PRXL2B: variants seen among roughly 807,000 people sequenced by gnomAD.
PRXL2B encodes prostamide/prostaglandin F synthase.
Under a neutral mutation model 24.4 loss-of-function variants are expected in PRXL2B, and 26 were observed. That is an observed-to-expected ratio of 1.07 (90% CI 0.78 to 1.48). The LOEUF (loss-of-function observed/expected upper bound fraction) is 1.48. Ranked by LOEUF, PRXL2B falls within the 40% of genes most tolerant of loss-of-function variation. PRXL2B has a pLI of 0.00. For synonymous variants in PRXL2B, 115 were observed against 118.9 expected (o/e 0.97, Z 0.21); for missense variants, 269 against 264.8 (o/e 1.02, Z -0.11).
chr1:2,591,047 C>T lies in PRXL2B; in HGVS notation c.*1620C>T, dbSNP rs371317701. On this transcript the variant is annotated 3_prime_UTR_variant, in exon 7 of 7. Transcript: ENST00000419916. ...TGGGGGTGCCCCGGGCACAGTGGAA[C>T]GTGTCTGCGAAGGCGGCCAGGTTCT... The T allele has an allele frequency of 1.5e-5, 24 of 1,606,860 alleles. No homozygotes were observed. Among genetic ancestry groups the T allele is most frequent in the Non-Finnish European group, 2.0e-5 (24 of 1,177,418 alleles).
intron 3 of PRXL2B, chr1:2,588,185 C>G: frequency 1.4e-6 from 1 of 706,368 alleles, no homozygotes. Flanking sequence ...TCTGTGGACC[C>G]TCGGCTAGCA....
At position 2,588,451 on chromosome 1, in the gene PRXL2B, A is replaced by AAGGTG. The variant is rs543394429; in HGVS notation, c.383_384+3dup. On this transcript the variant is annotated frameshift_variant and splice_region_variant, in exon 4 of 7. Transcript: ENST00000419916. LOFTEE classifies it high-confidence loss of function. ...GAAGCCCGTGCGTGATGTGGCTGCCAAGGTGTGTGCGGGTCAAGGGTGTAC... is the reference window on the plus strand; with the variant it reads ...GAAGCCCGTGCGTGATGTGGCTGCCAAGGTGAGGTGTGTGCGGGTCAAGGGTGTAC... 5.1e-4 allele frequency: 830 copies of AAGGTG among 1,614,090 alleles called. 2 individuals are homozygous for AAGGTG. In the African/African-American group the frequency reaches 9.6e-3, roughly 19 times the overall value.
chr1:2,590,880 G>T lies in PRXL2B; in HGVS notation c.*1453G>T. 2.4e-6 allele frequency: 2 copies of T among 845,870 alleles called. No individual in the cohort carries two copies. The highest frequency in any genetic ancestry group is 3.3e-6 in the Non-Finnish European group (2 of 606,990). 52.4% of individuals were successfully genotyped at this position (845,870 alleles called of 1,614,324 possible). ...CGCAGAGGCCTGGCAGGCAGGCTTG[G>T]CATGGTTGGCCGGGGCGGGACGTAC... On this transcript the variant is annotated 3_prime_UTR_variant, in exon 7 of 7. Transcript: ENST00000419916.
chr1:2,587,899 C>T lies in PRXL2B; in HGVS notation c.320+107C>T, dbSNP rs1311728265. On this transcript the variant is annotated intron_variant, in intron 3 of 6. Transcript: ENST00000419916. This position sits in a 1 kb window ranked among gnomAD's most constrained non-coding sequence, Gnocchi z 6.1. ...GCTGCCCTCTGTGGTGCTGTCCACTCGGGCCTTCCTGGGCAAGGCGGCTCT... is the reference window on the plus strand; with the variant it reads ...GCTGCCCTCTGTGGTGCTGTCCACTTGGGCCTTCCTGGGCAAGGCGGCTCT... 1.1e-5 allele frequency: 15 copies of T among 1,324,292 alleles called. No individual in the cohort carries two copies. In the Admixed American group the frequency reaches 1.4e-4, roughly 12 times the overall value. 82.0% of individuals were successfully genotyped at this position (1,324,292 alleles called of 1,614,324 possible).
intron 5 of PRXL2B, 42 bp downstream of exon 5, chr1:2,588,667 C>G (rs780753886): frequency 3.8e-6 from 6 of 1,596,124 alleles, no homozygotes. Flanking sequence ...TCAAGGAGGG[C>G]CTTGCTGAAC....
chr1:2,591,033 C>G lies in PRXL2B; in HGVS notation c.*1606C>G. The G allele has an allele frequency of 2.5e-6, 4 of 1,606,118 alleles. No individual in the cohort carries two copies. Among genetic ancestry groups the G allele is most frequent in the Non-Finnish European group, 3.4e-6 (4 of 1,177,196 alleles). On this transcript the variant is annotated 3_prime_UTR_variant, in exon 7 of 7. Transcript: ENST00000419916. ...CTCCTTGGGGTGCATGGGGGTGCCC[C>G]GGGCACAGTGGAACGTGTCTGCGAA...
In PRXL2B at chr1:2,588,565, A is replaced by T. The variant is rs148988402; in HGVS notation, c.400A>T (p.Ile134Phe). The change falls in exon 5 of 7, where the codon ATC becomes TTC. Residue 134 changes from isoleucine to phenylalanine, a missense_variant. Ile to Phe is a conservative substitution (Grantham distance 21). Coordinates refer to ENST00000419916, the MANE Select transcript of PRXL2B (RefSeq NM_152371.5). ...CTCCTGACAGGCCAAGGCTGTTGGC[A>T]TCCAGGGGAACTTGTCTGGGGACCT... ...DVAAKAKAVG[I>F]QGNLSGDLLQ... 1 of 1,613,998 alleles carries T rather than the reference A, an allele frequency of 6.2e-7. No homozygotes were observed. The highest frequency in any genetic ancestry group is 1.3e-5 in the African/African-American group (1 of 74,930).
upstream of PRXL2B, chr1:2,586,719 C>A: frequency 1.6e-6 from 2 of 1,237,412 alleles, no homozygotes; most frequent in Non-Finnish European, 1.0e-6. Flanking sequence ...CGGAGACGAG[C>A]CCGAAGGGGC....
intron 3 of PRXL2B, among the ~76,000 whole-genome samples, chr1:2,588,051 A>C (rs917653689): frequency 2.0e-5 from 3 of 152,158 alleles, no homozygotes; most frequent in African/African-American, 7.2e-5. Context: ...CTCGTGGCCC[A>C]TCAGGGGCCA....
chr1:2,586,568 C>CGCA (rs1644519639), upstream of PRXL2B: 1 of 449,068 alleles, frequency 2.2e-6, no homozygotes, highest in Non-Finnish European at 3.6e-6. Flanking sequence ...GATTTGGCGC[C>CGCA]GCGATCTCGA....
intron 3 of PRXL2B, 102 bp from the exon 4 acceptor site, chr1:2,588,288 G>A: frequency 6.8e-7 from 1 of 1,470,436 alleles, no homozygotes. Flanking sequence ...AGGCGGGTGG[G>A]TGGGGTGGGG....
intron 3 of PRXL2B, among the ~76,000 whole-genome samples, chr1:2,588,049 C>T (rs543246800): frequency 1.2e-4 from 19 of 152,266 alleles, no homozygotes; most frequent in African/African-American, 4.3e-4. Flanking sequence ...GCCTCGTGGC[C>T]CATCAGGGGC....
chr1:2,591,007 G>T lies in PRXL2B; in HGVS notation c.*1580G>T. The T allele has an allele frequency of 6.3e-7, 1 of 1,596,284 alleles. No individual in the cohort carries two copies. Among genetic ancestry groups the T allele is most frequent in the South Asian group, 1.1e-5 (1 of 88,012 alleles). ...GGCCTTGGCTACCACACGCGGCATCGCTCCTTGGGGTGCATGGGGGTGCCC... is the reference window on the plus strand; with the variant it reads ...GGCCTTGGCTACCACACGCGGCATCTCTCCTTGGGGTGCATGGGGGTGCCC... On this transcript the variant is annotated 3_prime_UTR_variant, in exon 7 of 7. Coordinates refer to ENST00000419916, the MANE Select transcript of PRXL2B (RefSeq NM_152371.5).
chr1:2,589,155 A>G (rs1233709712), intron 6 of PRXL2B, 115 bp downstream of exon 6: 9 of 1,108,578 alleles, frequency 8.1e-6, no homozygotes, highest in Admixed American at 2.1e-5. Flanking sequence ...CATCATGCCA[A>G]TTGTGCCCTG....
rs1297353881 is a variant in PRXL2B at position 2,590,126 on chromosome 1, A to C, written c.*699A>C. On this transcript the variant is annotated 3_prime_UTR_variant, in exon 7 of 7. Coordinates refer to ENST00000419916, the MANE Select transcript of PRXL2B (RefSeq NM_152371.5). ...TAACAGGCCCAGAGCAGAGCCCCTT[A>C]CCTCCCAGGTCAGACTACCTGCTCA... The C allele has an allele frequency of 2.6e-5, 4 of 152,102 alleles. No homozygotes were observed. Among genetic ancestry groups the C allele is most frequent in the African/African-American group, 9.7e-5 (4 of 41,254 alleles). The allele number at this position is 152,102 out of a possible 1,614,324, so 9.4% of individuals were successfully genotyped here.
At chr1:2,589,181 T>A in intron 6 of PRXL2B, 141 bp downstream of exon 6, 1 of 1,004,244 alleles carries the variant, frequency 1.0e-6, no homozygotes, top group Non-Finnish European at 1.5e-6. Flanking sequence ...TGGATGCCAC[T>A]GTGACCCCAC....
chr1:2,587,402 T>G lies in PRXL2B; in HGVS notation c.268+107T>G. ...GGCCCTTCTGTCTGCTGGAGCGGCC[T>G]TGATATGCCCACGGGTCAGCGTCCC... On this transcript the variant is annotated intron_variant, in intron 2 of 6. Transcript: ENST00000419916. The surrounding 1 kb of genome is among the most constrained non-coding windows in gnomAD (Gnocchi z 6.1). 7.8e-7 allele frequency: 1 copy of G among 1,284,082 alleles called. No homozygotes were observed. Among genetic ancestry groups the G allele is most frequent in the African/African-American group, 1.5e-5 (1 of 67,202 alleles). The allele number at this position is 1,284,082 out of a possible 1,614,324, so 79.5% of individuals were successfully genotyped here. A position where few individuals can be genotyped will look rare whatever the true frequency, so the allele number is the denominator to read the frequency against.
upstream of PRXL2B, chr1:2,586,597 A>T: frequency 1.8e-6 from 1 of 556,436 alleles, no homozygotes; most frequent in Non-Finnish European, 2.6e-6. Flanking sequence ...CTGGAGTAGG[A>T]GGGGAAACAA....
chr1:2,588,924 G>A lies in PRXL2B; in HGVS notation c.463G>A (p.Gly155Ser), dbSNP rs779756816. The change falls in exon 6 of 7, where the codon GGT becomes AGT. Residue 155 changes from glycine to serine, a missense_variant and splice_region_variant. Gly to Ser is a moderately conservative substitution (Grantham distance 56, BLOSUM62 0). Coordinates refer to ENST00000419916, the MANE Select transcript of PRXL2B (RefSeq NM_152371.5). Reference sequence around the variant, plus strand: ...TGACTGCCTGCCCGCTGCTACAGGTGGTGATAAAGTGCTCCTGCATTTCGT... The same window carrying A: ...TGACTGCCTGCCCGCTGCTACAGGTAGTGATAAAGTGCTCCTGCATTTCGT... The part of the protein sequence containing the change: ...SGGLLVVSKG[G>S]DKVLLHFVQK... 40 of 1,612,976 alleles carry A rather than the reference G, an allele frequency of 2.5e-5. No individual in the cohort carries two copies. Among genetic ancestry groups the A allele is most frequent in the Non-Finnish European group, 3.1e-5 (37 of 1,179,866 alleles).
Sources: gnomAD v4.1 joint callset for allele counts (sites outside exome capture counted in the v4.1 genomes callset) on GRCh38, gnomAD v4.1.1 for gene constraint, Gnocchi (gnomAD v3.1) non-coding constraint, MANE v1.5 for transcripts, NCBI Gene and HGNC (gene_info 2026-07-23, HGNC 2026-07-21) for gene names.